STAG1: variants seen among roughly 807,000 people sequenced by gnomAD.
STAG1 encodes the protein cohesin subunit SA-1.
A neutral mutation model predicts 170.9 loss-of-function variants in STAG1; 26 were observed. The observed-to-expected ratio is 0.15, with a 90% confidence interval of 0.11 to 0.21. The LOEUF is 0.21. Among genes scored for constraint, STAG1 ranks in the 10% least tolerant of loss-of-function variants. The probability of loss-of-function intolerance (pLI) is 1.00; values close to 1 mark genes in which losing one functional copy is unlikely to be tolerated. For missense variants in STAG1, 964 were observed against 1,509.5 expected (o/e 0.64, Z 5.99); for synonymous variants, 514 against 497.7 (o/e 1.03, Z -0.44).
At chr3:136,339,150 C>T (rs1242841216) in intron 32 of STAG1, among the ~76,000 whole-genome samples, 4 of 152,068 alleles carry the variant, frequency 2.6e-5, no homozygotes, top group Non-Finnish European at 5.9e-5. Flanking sequence ...CATCTAAAGA[C>T]AAAGGAAGAA....
chr3:136,423,413 G>A (rs1032181090), intron 16 of STAG1, among the ~76,000 whole-genome samples: 7 of 152,000 alleles, frequency 4.6e-5, no homozygotes, highest in East Asian at 1.9e-4. Context: ...TTAAAGTAAC[G>A]CCTTTTAAAT....
chr3:136,579,893 T>C (rs1937553704), intron 4 of STAG1, among the ~76,000 whole-genome samples: 1 of 150,800 alleles, frequency 6.6e-6, no homozygotes, highest in South Asian at 2.1e-4. Context: ...ATGAAAACAT[T>C]CCACCAGGTT....
In STAG1 at chr3:136,367,354, C is replaced by A. The variant is rs951703311; in HGVS notation, c.2546-272G>T. On this transcript the variant is annotated intron_variant, in intron 24 of 33. Coordinates refer to ENST00000383202, the MANE Select transcript of STAG1 (RefSeq NM_005862.3). The stretch of plus-strand genomic sequence containing the variant: ...ATAAGATAAGCAAACCATGTATAGT[C>A]TACCCTCCCTATCTGTGGATGCAGA... Among the ~76,000 whole-genome samples, 18 of 152,094 alleles carry A rather than the reference C, an allele frequency of 1.2e-4. No homozygotes were observed. The South Asian group carries it at 3.5e-3, about 30-fold the overall frequency.
intron 12 of STAG1, among the ~76,000 whole-genome samples, chr3:136,470,264 A>C (rs1357473737): frequency 6.6e-6 from 1 of 152,264 alleles, no homozygotes; most frequent in Non-Finnish European, 1.5e-5. Context: ...TCCAGAATTT[A>C]CAAAGAACTC....
intron 13 of STAG1, among the ~76,000 whole-genome samples, chr3:136,456,588 T>C (rs989803250): frequency 6.6e-6 from 1 of 152,156 alleles, no homozygotes; most frequent in African/African-American, 2.4e-5. Context: ...CTGGAAAGCA[T>C]ATTAAAAGAG....
chr3:136,720,788 C>CA (rs140399721), intron 1 of STAG1, among the ~76,000 whole-genome samples: 12,890 of 144,210 alleles, frequency 0.089, 581 homozygotes, highest in African/African-American at 0.11. Flanking sequence ...GATTCCATCT[C>CA]AAAAAAAAAA....
At chr3:136,572,158 T>C (rs1576620605) in intron 4 of STAG1, among the ~76,000 whole-genome samples, 1 of 152,124 alleles carries the variant, frequency 6.6e-6, no homozygotes, top group East Asian at 1.9e-4. Flanking sequence ...GAGGTTGCAG[T>C]GAGCCAAGAT....
chr3:136,640,882 C>G (rs1035082998), intron 1 of STAG1, among the ~76,000 whole-genome samples: 1 of 147,302 alleles, frequency 6.8e-6, no homozygotes, highest in Admixed American at 6.8e-5. Flanking sequence ...GCCATGTTGG[C>G]CAGGCTGGTC....
chr3:136,588,930 CTT>C (rs1330381479), intron 4 of STAG1, among the ~76,000 whole-genome samples: 1 of 151,520 alleles, frequency 6.6e-6, no homozygotes, highest in East Asian at 2.0e-4. Context: ...AACCAAATAA[CTT>C]TTGTATTTTT....
chr3:136,573,391 G>A (rs776780484), intron 4 of STAG1, among the ~76,000 whole-genome samples: 11 of 151,960 alleles, frequency 7.2e-5, no homozygotes, highest in Non-Finnish European at 1.3e-4. Flanking sequence ...ATCAAATTGT[G>A]CTGAAAATTT....
rs558374231 is a variant in STAG1, at chr3:136,522,565, T to A, written c.472-1148A>T. ...TTTTTTTGCTGTTCTTTTTTGTTTT[T>A]AATTATAATTATTTTTCACTCTACT... On this transcript the variant is annotated intron_variant, in intron 6 of 33. Coordinates refer to ENST00000383202, the MANE Select transcript of STAG1 (RefSeq NM_005862.3). Among the ~76,000 whole-genome samples the A allele has an allele frequency of 4.6e-5, 7 of 152,282 alleles. No individual in the cohort carries two copies. In the South Asian group the frequency reaches 1.4e-3, roughly 32 times the overall value.
intron 4 of STAG1, among the ~76,000 whole-genome samples, chr3:136,585,579 AGAGT>A (rs1937774545): frequency 6.6e-6 from 1 of 151,976 alleles, no homozygotes; most frequent in Non-Finnish European, 1.5e-5. Context: ...CCTGGGTGAC[AGAGT>A]GAGACTCAAA....
intron 4 of STAG1, among the ~76,000 whole-genome samples, chr3:136,574,362 A>ACACG (rs1937376772): frequency 6.6e-6 from 1 of 151,940 alleles, no homozygotes; most frequent in Non-Finnish European, 1.5e-5. Flanking sequence ...ACACACACAC[A>ACACG]CACGCACATC....
intron 1 of STAG1, among the ~76,000 whole-genome samples, chr3:136,634,280 C>G (rs1940460677): frequency 6.6e-6 from 1 of 151,824 alleles, no homozygotes; most frequent in Admixed American, 6.6e-5. Flanking sequence ...TCACTTGAGC[C>G]TAGGAGGTTG....
At chr3:136,626,975 C>T (rs557781426) in intron 2 of STAG1, among the ~76,000 whole-genome samples, 2 of 152,128 alleles carry the variant, frequency 1.3e-5, no homozygotes, top group South Asian at 4.1e-4. Context: ...GACAAAATCT[C>T]CAAGTGCTTT....
intron 4 of STAG1, among the ~76,000 whole-genome samples, chr3:136,585,882 A>G (rs1252027710): frequency 6.6e-6 from 1 of 152,162 alleles, no homozygotes; most frequent in Non-Finnish European, 1.5e-5. Flanking sequence ...AGCTTTTTGC[A>G]AGGATTCTGC....
At chr3:136,419,267 T>C (rs1188639031) in intron 20 of STAG1, among the ~76,000 whole-genome samples, 1 of 152,186 alleles carries the variant, frequency 6.6e-6, no homozygotes, top group African/African-American at 2.4e-5. Context: ...TACTTGTATA[T>C]AAAGGCTTAG....
At chr3:136,633,962 TAAAAAAA>T (rs67810422) in intron 1 of STAG1, among the ~76,000 whole-genome samples, 207 of 50,354 alleles carry the variant, frequency 4.1e-3, no homozygotes, top group Middle Eastern at 0.014. Flanking sequence ...TGTCTCTACT[TAAAAAAA>T]AAAAAAAAAA....
chr3:136,384,926 A>T (rs1022761214), intron 22 of STAG1, among the ~76,000 whole-genome samples: 5 of 152,104 alleles, frequency 3.3e-5, no homozygotes, highest in Non-Finnish European at 7.3e-5. Context: ...AAGAAACTAG[A>T]ATACATTGGA....
Sources: gnomAD v4.1 joint callset for allele counts (sites outside exome capture counted in the v4.1 genomes callset) on GRCh38, gnomAD v4.1.1 for gene constraint, MANE v1.5 for transcripts, NCBI Gene and HGNC (gene_info 2026-07-23, HGNC 2026-07-21) for gene names.